Variants in SPICE1 observed in about 807,000 individuals in gnomAD.
SPICE1 encodes spindle and centriole associated protein 1.
SPICE1 carries 75 observed loss-of-function variants against 102.7 expected under a neutral mutation model. The ratio of observed to expected loss-of-function variants is 0.73; its 90% CI spans 0.61 to 0.88. The LOEUF is 0.88. Among genes scored for constraint, SPICE1 ranks in the 40% least tolerant of loss-of-function variants. The pLI is 0.00. For missense variants in SPICE1, 979 were observed against 1,020.1 expected (o/e 0.96, Z 0.55); for synonymous variants, 308 against 350.3 (o/e 0.88, Z 1.35).
At chr3:113,496,888 A>G (rs749412594) in intron 4 of SPICE1, among the ~76,000 whole-genome samples, 3 of 152,222 alleles carry the variant, frequency 2.0e-5, no homozygotes, top group Non-Finnish European at 4.4e-5. Flanking sequence ...ATATACTTAC[A>G]TGTGTACCCA....
intron 7 of SPICE1, among the ~76,000 whole-genome samples, chr3:113,485,176 G>GT (rs1422898555): frequency 0.028 from 3,855 of 139,406 alleles, 116 homozygotes; most frequent in African/African-American, 0.08. Context: ...AGTTTTGTTT[G>GT]TTTTTTTTTT....
At chr3:113,449,105 A>G (rs1935582920) in intron 15 of SPICE1, 2 of 152,238 alleles carry the variant, frequency 1.3e-5, no homozygotes, top group Admixed American at 1.3e-4. Flanking sequence ...CATAAATAAA[A>G]GCATATTTTA....
intron 14 of SPICE1, 106 bp downstream of exon 14, chr3:113,453,360 A>C (rs1011655004): frequency 7.0e-7 from 1 of 1,428,388 alleles, no homozygotes; most frequent in South Asian, 1.4e-5. Flanking sequence ...ATCTAGCCTC[A>C]AAGCTTTCTA....
At chr3:113,447,291 C>A (rs1016378539) in intron 16 of SPICE1, among the ~76,000 whole-genome samples, 2 of 152,108 alleles carry the variant, frequency 1.3e-5, no homozygotes, top group Non-Finnish European at 2.9e-5. Context: ...TTCCCATATG[C>A]CCCTTACCCC....
chr3:113,488,767 T>TAAAGAGTATAC (rs1341586773), intron 7 of SPICE1, among the ~76,000 whole-genome samples, 178 bp downstream of exon 7: 1 of 152,140 alleles, frequency 6.6e-6, no homozygotes, highest in Admixed American at 6.5e-5. Flanking sequence ...TGAATCTGAG[T>TAAAGAGTATAC]AAAGAGTATA....
chr3:113,453,909 G>A lies in SPICE1; in HGVS notation c.1699C>T (p.Pro567Ser). Residue 567 changes from proline (P) to serine (S), a missense_variant, in exon 14 of 18, where the codon CCT becomes TCT. Pro to Ser is a moderately conservative substitution (Grantham distance 74, BLOSUM62 -1). Transcript: ENST00000295872. ...TTCTCAATTATTTCCACAGTTGGAG[G>A]AAGTCGTGGAGCAGGACGAGTTTGA... ...TVQTRPAPRLPPTVEIIEKEQ... is the reference protein window; with the variant it reads ...TVQTRPAPRLSPTVEIIEKEQ... 6.2e-7 allele frequency: 1 copy of A among 1,614,066 alleles called. No individual in the cohort carries two copies. The highest frequency in any genetic ancestry group is 8.5e-7 in the Non-Finnish European group (1 of 1,179,952).
chr3:113,510,536 T>C (rs1937200439), intron 1 of SPICE1, among the ~76,000 whole-genome samples: 1 of 151,926 alleles, frequency 6.6e-6, no homozygotes, highest in African/African-American at 2.4e-5. Flanking sequence ...ATTCCCTACT[T>C]AATAGTGTTG....
At position 113,481,415 on chromosome 3, in the gene SPICE1, G is replaced by GT. The variant is rs201614411; in HGVS notation, c.611+7529dup. 5.3e-3 allele frequency among the ~76,000 whole-genome samples: 777 copies of GT among 146,896 alleles called. 39 individuals are homozygous for GT. The East Asian group carries it at 0.12, about 23-fold the overall frequency. On this transcript the variant is annotated intron_variant, in intron 7 of 17. Coordinates refer to ENST00000295872, the MANE Select transcript of SPICE1 (RefSeq NM_144718.4). ...AGAAAAGTAGACTTTTTTTTTTCTAGTTTTTTTTTTATTATTATACTTTAA... is the reference window on the plus strand; with the variant it reads ...AGAAAAGTAGACTTTTTTTTTTCTAGTTTTTTTTTTTATTATTATACTTTAA...
intron 14 of SPICE1, among the ~76,000 whole-genome samples, chr3:113,451,630 G>A (rs965956219): frequency 6.6e-6 from 1 of 152,138 alleles, no homozygotes; most frequent in Non-Finnish European, 1.5e-5. Context: ...AGACTCTGCT[G>A]TCTTTTTTAA....
At chr3:113,460,856 T>C (rs906306040) in intron 11 of SPICE1, 92 bp from the exon 12 acceptor site, 1 of 1,151,748 alleles carries the variant, frequency 8.7e-7, no homozygotes, top group African/African-American at 1.5e-5. Flanking sequence ...TACGTGTGTT[T>C]AATATCATAT....
At position 113,457,195 on chromosome 3, in the gene SPICE1, G is replaced by A; in HGVS notation, c.1598C>T (p.Ala533Val). 6.2e-7 allele frequency: 1 copy of A among 1,614,204 alleles called. No homozygotes were observed. The highest frequency in any genetic ancestry group is 8.5e-7 in the Non-Finnish European group (1 of 1,180,046). Residue 533 changes from alanine (A) to valine (V), a missense_variant, in exon 13 of 18, where the codon GCT becomes GTT. By Grantham distance (64) the Ala-to-Val change is moderately conservative. Transcript: ENST00000295872. ...CTGCCTGGGTGGTGTTAACAACACA[G>A]CTGGCTCAAAAATATGTGCTGGAAA... The part of the protein sequence containing the change: ...KNFPAHIFEP[A>V]VLLTPPRQKS...
chr3:113,480,641 G>C (rs188208664), intron 7 of SPICE1, among the ~76,000 whole-genome samples: 1 of 152,092 alleles, frequency 6.6e-6, no homozygotes, highest in Non-Finnish European at 1.5e-5. Context: ...GAAAAAGTCT[G>C]ATAAAATTAA....
chr3:113,483,205 TTG>T (rs1936554602), intron 7 of SPICE1, among the ~76,000 whole-genome samples: 1 of 152,198 alleles, frequency 6.6e-6, no homozygotes, highest in Admixed American at 6.5e-5. Context: ...GGCTCTCTGT[TTG>T]TCTGTTATTG....
intron 7 of SPICE1, among the ~76,000 whole-genome samples, chr3:113,480,515 C>G (rs572290317): frequency 6.6e-6 from 1 of 151,902 alleles, no homozygotes; most frequent in East Asian, 1.9e-4. Flanking sequence ...ACATCATGGC[C>G]AAATAGAATT....
intron 1 of SPICE1, among the ~76,000 whole-genome samples, chr3:113,507,517 T>C (rs950693132): frequency 3.3e-5 from 5 of 152,100 alleles, no homozygotes; most frequent in African/African-American, 9.7e-5. Flanking sequence ...TCTACTATAA[T>C]AAAAATGTCT....
intron 3 of SPICE1, among the ~76,000 whole-genome samples, chr3:113,501,100 A>C (rs1251195607): frequency 6.6e-6 from 1 of 152,172 alleles, no homozygotes; most frequent in Non-Finnish European, 1.5e-5. Context: ...GTGCTGAATA[A>C]ACATTTATAT....
At chr3:113,492,850 TG>T (rs1215063037) in intron 6 of SPICE1, among the ~76,000 whole-genome samples, 4 of 152,206 alleles carry the variant, frequency 2.6e-5, no homozygotes, top group Non-Finnish European at 4.4e-5. Flanking sequence ...TAATGATCGA[TG>T]GTGGCAGTCT....
intron 10 of SPICE1, among the ~76,000 whole-genome samples, chr3:113,467,846 A>T (rs1008753439): frequency 2.0e-5 from 3 of 152,240 alleles, no homozygotes; most frequent in Non-Finnish European, 4.4e-5. Context: ...GTCAAACAGT[A>T]ATATTTAATA....
chr3:113,489,780 CG>C (rs1035986613), intron 6 of SPICE1, among the ~76,000 whole-genome samples: 4 of 143,244 alleles, frequency 2.8e-5, no homozygotes, highest in African/African-American at 1.0e-4. Context: ...CCAGGAAGGT[CG>C]AGGCTGCAGT....
Sources: allele counts gnomAD v4.1 joint callset (sites outside exome capture counted in the v4.1 genomes callset), GRCh38; gene constraint gnomAD v4.1.1; transcripts MANE v1.5; gene names NCBI Gene and HGNC (gene_info 2026-07-23, HGNC 2026-07-21).